NKAIN4: variants seen among roughly 807,000 people sequenced by gnomAD.
The protein encoded by NKAIN4 is sodium/potassium-transporting ATPase subunit beta-1-interacting protein 4.
A neutral mutation model predicts 28.8 loss-of-function variants in NKAIN4; 28 were observed. The observed-to-expected ratio is 0.97, with a 90% CI of 0.72 to 1.33. The LOEUF (loss-of-function observed/expected upper bound fraction) is 1.33, where lower values mean the gene tolerates loss of function less well. NKAIN4 is among the 40% of genes most tolerant of loss of function. The pLI is 0.00. For synonymous variants in NKAIN4, 122 were observed against 115.6 expected, an observed-to-expected ratio of 1.06 and a Z score of -0.36; for missense variants, 289 against 277.2, an observed-to-expected ratio of 1.04 and a Z score of -0.30.
rs972268957 is a variant in NKAIN4, at chr20:63,247,113, C to T, written c.471+465G>A. On this transcript the variant is annotated intron_variant, in intron 4 of 6. Coordinates refer to ENST00000370316, the MANE Select transcript of NKAIN4 (RefSeq NM_152864.4). ...TGCCAGATGCATACGCCAGGGTTCC[C>T]GACAAGGCTGAGGGGCTTCTTGCCA... 5 of 1,047,814 alleles carry T rather than the reference C, an allele frequency of 4.8e-6. No individual in the cohort carries two copies. In the African/African-American group the frequency reaches 5.1e-5, roughly 11 times the overall value. The allele number at this position is 1,047,814 out of a possible 1,614,324, so 64.9% of individuals were successfully genotyped here. A position where few individuals can be genotyped will look rare whatever the true frequency, so the allele number is the denominator to read the frequency against.
intron 1 of NKAIN4, among the ~76,000 whole-genome samples, chr20:63,251,253 A>G (rs1395615368): frequency 6.6e-6 from 1 of 152,128 alleles, no homozygotes; most frequent in Non-Finnish European, 1.5e-5. Context: ...TGTTATCTAG[A>G]AGGCAGAGCC....
At chr20:63,243,283 G>A (rs754733358) in intron 5 of NKAIN4, among the ~76,000 whole-genome samples, 20 of 152,224 alleles carry the variant, frequency 1.3e-4, no homozygotes, top group Non-Finnish European at 2.2e-4. Context: ...GGCATTCCTC[G>A]CCTCTGGAAT....
At chr20:63,249,244 A>C in intron 2 of NKAIN4, 1 of 301,032 alleles carries the variant, frequency 3.3e-6, no homozygotes, top group Non-Finnish European at 6.5e-6. Flanking sequence ...ACAGGCCTCC[A>C]CTGCAGAGCA....
chr20:63,248,792 G>A lies in NKAIN4; in HGVS notation c.273+23C>T, dbSNP rs190913394. On this transcript the variant is annotated intron_variant, in intron 3 of 6. Coordinates refer to ENST00000370316, the MANE Select transcript of NKAIN4 (RefSeq NM_152864.4). ...CCCAGACCCCAGGGAAGGACCTCGC[G>A]CTGCCTCCCAGTCTGCACTCACCTT... 34 of 1,549,036 alleles carry A rather than the reference G, an allele frequency of 2.2e-5. No homozygotes were observed. The African/African-American group carries it at 3.0e-4, about 14-fold the overall frequency.
At chr20:63,243,400 AGAGTTCTGTCCATAG>A (rs1367228565) in intron 5 of NKAIN4, among the ~76,000 whole-genome samples, 1 of 151,916 alleles carries the variant, frequency 6.6e-6, no homozygotes, top group Non-Finnish European at 1.5e-5. Context: ...GACCCCAGGG[AGAGTTCTGTCCATAG>A]GAACCAGGAC....
intron 1 of NKAIN4, among the ~76,000 whole-genome samples, chr20:63,250,486 C>T (rs1253690494): frequency 6.6e-6 from 1 of 152,184 alleles, no homozygotes; most frequent in Non-Finnish European, 1.5e-5. Context: ...CAGAAAACGC[C>T]ACTCGGGGGG....
Position 63,252,174 on chromosome 20 carries a change from G to T in NKAIN4, c.55-2102C>A, listed in dbSNP as rs538025979. On this transcript the variant is annotated intron_variant, in intron 1 of 6. Coordinates refer to ENST00000370316, the MANE Select transcript of NKAIN4 (RefSeq NM_152864.4). The surrounding 1 kb of genome is among the most constrained non-coding windows in gnomAD (Gnocchi z 4.6). ...TCATCTCGAAGCCAAGGCTCCCAGA[G>T]GCTCAGGGCTCCATGACATGTGGCG... 4.6e-5 allele frequency among the ~76,000 whole-genome samples: 7 copies of T among 152,316 alleles called. No homozygotes were observed. The highest frequency in any genetic ancestry group is 1.4e-4 in the African/African-American group (6 of 41,588).
chr20:63,243,059 C>G lies in NKAIN4; in HGVS notation c.533-436G>C, dbSNP rs528982396. Among the ~76,000 whole-genome samples, 5 of 152,350 alleles carry G rather than the reference C, an allele frequency of 3.3e-5. No homozygotes were observed. The South Asian group carries it at 8.3e-4, about 25-fold the overall frequency. On this transcript the variant is annotated intron_variant, in intron 5 of 6. Coordinates refer to ENST00000370316, the MANE Select transcript of NKAIN4 (RefSeq NM_152864.4). ...ATGTTCAGACCGATGGCTTCCTTGA[C>G]ACTGTGTCTGCACAGCCAGCAGGCA...
At chr20:63,247,057 C>T (rs540039915) in intron 4 of NKAIN4, 6 of 1,004,292 alleles carry the variant, frequency 6.0e-6, no homozygotes, top group South Asian at 8.4e-5. Context: ...AATCCCTGTC[C>T]GGTCAGACCT....
Position 63,250,002 on chromosome 20 carries a change from A to G in NKAIN4, c.125T>C (p.Val42Ala), listed in dbSNP as rs2066927826. The change falls in exon 2 of 7, where the codon GTC (valine) becomes GCC (alanine). Residue 42 changes from valine to alanine, a missense_variant. Transcript: ENST00000370316. ...YQWAPILANFVHIIIVILGLF... is the reference protein window; with the variant it reads ...YQWAPILANFAHIIIVILGLF... The stretch of plus-strand genomic sequence containing the variant: ...TCCCAGGATGACGATGATGATGTGG[A>G]CAAAGTTGGCCAGGATGGGCGCCCA... 1 of 1,612,484 alleles carries G rather than the reference A, an allele frequency of 6.2e-7. No individual in the cohort carries two copies. The highest frequency in any genetic ancestry group is 8.5e-7 in the Non-Finnish European group (1 of 1,179,616).
intron 1 of NKAIN4, among the ~76,000 whole-genome samples, chr20:63,251,654 G>C (rs544967089): frequency 6.6e-6 from 1 of 152,212 alleles, no homozygotes; most frequent in South Asian, 2.1e-4. Flanking sequence ...TGTATGGCCT[G>C]GTTTTTCCTA....
Position 63,243,172 on chromosome 20 carries a change from G to A in NKAIN4, c.533-549C>T, listed in dbSNP as rs372897472. Among the ~76,000 whole-genome samples the A allele has an allele frequency of 9.9e-4, 151 of 152,288 alleles. 2 individuals carry two copies. The South Asian group carries it at 0.028, about 28-fold the overall frequency. ...TTAAAATGTTTGAATGGAACCAGTCGTTTGCCTCCTCCCAGGAAGCTGGCT... is the reference window on the plus strand; with the variant it reads ...TTAAAATGTTTGAATGGAACCAGTCATTTGCCTCCTCCCAGGAAGCTGGCT... On this transcript the variant is annotated intron_variant, in intron 5 of 6. Coordinates refer to ENST00000370316, the MANE Select transcript of NKAIN4 (RefSeq NM_152864.4).
chr20:63,254,585 GCCCAGCCCCAGC>G, upstream of NKAIN4: 1 of 598,852 alleles, frequency 1.7e-6, no homozygotes, highest in East Asian at 3.7e-5. Flanking sequence ...GCAACCCCCG[GCCCAGCCCCAGC>G]CCCGGGTAAC....
rs11906010 is a variant in NKAIN4 at position 63,247,722 on chromosome 20, C to T, written c.327G>A (p.Glu109=). ...SLSRHRSWWR[E]RWPGCLHEEV... ...CCTCATGCAGACAGCCTGGCCAGCG[C>T]TCACGCCACCAGGAGCGATGCCGGG... The change falls in exon 4 of 7, where the codon GAG becomes GAA. Residue 109 remains glutamate, a synonymous_variant. Transcript: ENST00000370316. 0.025 allele frequency: 37,695 copies of T among 1,505,616 alleles called. 1,520 individuals carry two copies. The highest frequency in any genetic ancestry group is 0.19 in the African/African-American group (13,378 of 71,734). The allele number at this position is 1,505,616 out of a possible 1,614,324, so 93.3% of individuals were successfully genotyped here. A position where few individuals can be genotyped will look rare whatever the true frequency, so the allele number is the denominator to read the frequency against.
chr20:63,247,859 C>T, intron 3 of NKAIN4, 84 bp from the exon 4 acceptor site: 4 of 1,399,688 alleles, frequency 2.9e-6, no homozygotes, highest in Non-Finnish European at 3.7e-6. Context: ...GACGCCACCA[C>T]ACCGAGGCAA....
At chr20:63,254,305 GC>G in intron 1 of NKAIN4, 91 bp downstream of exon 1, 4 of 1,058,230 alleles carry the variant, frequency 3.8e-6, no homozygotes, top group South Asian at 3.9e-5. Context: ...CAGCGAACGG[GC>G]CCCGGGGCGG....
intron 2 of NKAIN4, among the ~76,000 whole-genome samples, chr20:63,249,608 T>C (rs956184878): frequency 1.3e-5 from 2 of 152,230 alleles, no homozygotes; most frequent in Non-Finnish European, 2.9e-5. Flanking sequence ...ACAGTGATTC[T>C]GTGCCTGATT....
chr20:63,248,400 C>A (rs11086158), intron 3 of NKAIN4: 54,490 of 182,044 alleles, frequency 0.3, 9,744 homozygotes, highest in East Asian at 0.53. Context: ...CCCCTCCCCC[C>A]ACGTTTCCCC....
At chr20:63,254,681 G>T (rs6090334), upstream of NKAIN4, 1 of 330,892 alleles carries the variant, frequency 3.0e-6, no homozygotes, top group Non-Finnish European at 5.4e-6. Flanking sequence ...GAGGGGGACC[G>T]TTCTTAAAGG....
Sources: gnomAD v4.1 joint callset for allele counts (sites outside exome capture counted in the v4.1 genomes callset) on GRCh38, gnomAD v4.1.1 for gene constraint, Gnocchi (gnomAD v3.1) non-coding constraint, MANE v1.5 for transcripts, NCBI Gene and HGNC (gene_info 2026-07-23, HGNC 2026-07-21) for gene names.